The following SEPTIN1 variants were observed in gnomAD, a reference collection of about 807,000 sequenced individuals.
SEPTIN1 encodes the protein septin-1.
In SEPTIN1, 52 loss-of-function variants were observed where a neutral mutation model predicts 50.7. The ratio of observed to expected loss-of-function variants is 1.03; its 90% CI spans 0.82 to 1.29. SEPTIN1 has a LOEUF of 1.29. SEPTIN1 is among the 50% of genes most tolerant of loss of function. The pLI is 0.00. For synonymous variants in SEPTIN1, 204 were observed against 189.1 expected (o/e 1.08, Z -0.65); for missense variants, 455 against 490.7 (o/e 0.93, Z 0.69).
chr16:30,379,698 G>T, intron 7 of SEPTIN1, 164 bp from the exon 8 acceptor site: 1 of 565,276 alleles, frequency 1.8e-6, no homozygotes, highest in Non-Finnish European at 3.0e-6. Flanking sequence ...GCCCAGGCTG[G>T]AGTGTTCAAG....
In SEPTIN1 at chr16:30,382,354, G is replaced by A. The variant is rs200653380; in HGVS notation, c.30C>T (p.Tyr10=). The change falls in exon 2 of 11, where the codon TAC becomes TAT. Residue 10 remains tyrosine (Y), a synonymous_variant. Coordinates refer to ENST00000321367, the MANE Select transcript of SEPTIN1 (RefSeq NM_001365977.2). This position sits in a 1 kb window ranked among gnomAD's most constrained non-coding sequence, Gnocchi z 4.8. MAGGVMDKE[Y]VGFAALPNQL... ...GGTTGGGGAGGGCAGCAAAACCCAC[G>A]TACTCCTTGTCCTATGGATGGGGGT... 2.7e-5 allele frequency: 44 copies of A among 1,612,252 alleles called. 1 individual carries two copies. In the Admixed American group the frequency reaches 3.3e-4, roughly 12 times the overall value.
rs2049852061 is a variant in SEPTIN1, at chr16:30,381,762, G to A, written c.318C>T (p.Asp106=). The A allele has an allele frequency of 6.2e-7, 1 of 1,614,042 alleles. No homozygotes were observed. Among genetic ancestry groups the A allele is most frequent in the Admixed American group, 1.7e-5 (1 of 60,004 alleles). The part of the protein sequence containing the change: ...PGFGDSVDCS[D]CWLPVVKFIE... ...CTGTCCCCTTTCCTCTTCCTCACCA[G>A]TCAGAGCAGTCCACTGAGTCCCCAA... The change falls in exon 4 of 11, where the codon GAC becomes GAT. Residue 106 remains aspartate (D), a splice_region_variant and synonymous_variant. Transcript: ENST00000321367. The surrounding 1 kb of genome is among the most constrained non-coding windows in gnomAD (Gnocchi z 4.3).
At position 30,381,006 on chromosome 16, in the gene SEPTIN1, TCTC is replaced by T. The variant is rs1288920489; in HGVS notation, c.573+118_573+120del. ...TTACCACCCGCCTTCCTCAGAAGCT[TCTC>T]CTACAATCTAGCCTGATGCACCATG... On this transcript the variant is annotated intron_variant, in intron 6 of 10. Transcript: ENST00000321367. The surrounding 1 kb of genome is among the most constrained non-coding windows in gnomAD (Gnocchi z 4.3). 15 of 834,358 alleles carry T rather than the reference TCTC, an allele frequency of 1.8e-5. No individual in the cohort carries two copies. Among genetic ancestry groups the T allele is most frequent in the African/African-American group, 3.4e-5 (2 of 59,380 alleles). 51.7% of individuals were successfully genotyped at this position (834,358 alleles called of 1,614,324 possible).
chr16:30,379,490 C>G lies in SEPTIN1; in HGVS notation c.720G>C (p.Arg240Ser). Residue 240 changes from arginine to serine, a missense_variant, in exon 8 of 11, where the codon AGG becomes AGC. Physicochemically the swap from Arg to Ser is moderately radical, Grantham distance 110. Coordinates refer to ENST00000321367, the MANE Select transcript of SEPTIN1 (RefSeq NM_001365977.2). The stretch of plus-strand genomic sequence containing the variant: ...CCCTCACCGGCCGGTTCCCGCCATC[C>G]CTCACCACCTCGCATGATCCCACGA... ...FAVVGSCEVVRDGGNRPVRGR... is the reference protein window; with the variant it reads ...FAVVGSCEVVSDGGNRPVRGR... The G allele has an allele frequency of 3.7e-6, 6 of 1,613,960 alleles. No homozygotes were observed. The highest frequency in any genetic ancestry group is 4.2e-6 in the Non-Finnish European group (5 of 1,179,990).
At position 30,380,000 on chromosome 16, in the gene SEPTIN1, T is replaced by G. The variant is rs1168415605; in HGVS notation, c.607A>C (p.Ile203Leu). The G allele has an allele frequency of 3.1e-6, 5 of 1,612,770 alleles. No homozygotes were observed. Among genetic ancestry groups the G allele is most frequent in the Non-Finnish European group, 4.2e-6 (5 of 1,179,260 alleles). The change falls in exon 7 of 11, where the codon ATC becomes CTC. Residue 203 changes from isoleucine to leucine, a missense_variant. Transcript: ENST00000321367. ...RDQLKEEEIH[I>L]YQFPECDSDE... Reference sequence around the variant, plus strand: ...GAGTCACATTCGGGGAACTGGTAGATGTGGATCTCCTCTTCCTTCAACTGA... The same window carrying G: ...GAGTCACATTCGGGGAACTGGTAGAGGTGGATCTCCTCTTCCTTCAACTGA...
At chr16:30,378,981 C>G (rs750809028) in intron 9 of SEPTIN1, 37 bp downstream of exon 9, 1 of 1,594,008 alleles carries the variant, frequency 6.3e-7, no homozygotes, top group East Asian at 2.2e-5. Context: ...TGAGGCGGGA[C>G]CTTGGAGGCT....
Position 30,381,327 on chromosome 16 carries a change from C to A in SEPTIN1, c.455+12G>T. 1.2e-6 allele frequency: 2 copies of A among 1,612,654 alleles called. No homozygotes were observed. The highest frequency in any genetic ancestry group is 1.7e-4 in the Middle Eastern group (1 of 6,054). On this transcript the variant is annotated intron_variant, in intron 5 of 10. Transcript: ENST00000321367. The surrounding 1 kb of genome is among the most constrained non-coding windows in gnomAD (Gnocchi z 4.3). Reference sequence around the variant, plus strand: ...CCTAAATGCGCCAGCCCCCAGGATCCCCCCACCAGACCCCCGGCCGAAGGG... The same window carrying A: ...CCTAAATGCGCCAGCCCCCAGGATCACCCCACCAGACCCCCGGCCGAAGGG...
rs1349502724 is a variant in SEPTIN1, at chr16:30,382,240, TCCC to T, written c.109+32_109+34del. The stretch of plus-strand genomic sequence containing the variant: ...GGACAGCCAGGGCCTCCTAAGGACA[TCCC>T]CTCCGCAGTTCCCTCTCCAAAACCC... On this transcript the variant is annotated intron_variant, in intron 2 of 10. Transcript: ENST00000321367. This position sits in a 1 kb window ranked among gnomAD's most constrained non-coding sequence, Gnocchi z 4.8. 1 of 1,612,676 alleles carries T rather than the reference TCCC, an allele frequency of 6.2e-7. No homozygotes were observed. Among genetic ancestry groups the T allele is most frequent in the African/African-American group, 1.3e-5 (1 of 74,832 alleles).
chr16:30,380,132 G>T, intron 6 of SEPTIN1, 99 bp from the exon 7 acceptor site: 1 of 953,900 alleles, frequency 1.0e-6, no homozygotes, highest in Non-Finnish European at 1.5e-6. Context: ...GGTGGTCAGA[G>T]ACAGAGAGAA....
intron 9 of SEPTIN1, 22 bp from the exon 10 acceptor site, chr16:30,378,722 ACAGGAAT>A (rs1287609072): frequency 3.8e-6 from 6 of 1,599,838 alleles, no homozygotes; most frequent in Non-Finnish European, 5.1e-6. Flanking sequence ...TGGGAAGGGG[ACAGGAAT>A]CAGGAGCGGG....
In SEPTIN1 at chr16:30,378,286, C is replaced by T. The variant is rs367624455; in HGVS notation, c.*148G>A. The T allele has an allele frequency of 1.3e-3, 1,011 of 784,780 alleles. 16 individuals carry two copies. The East Asian group carries it at 0.021, about 17-fold the overall frequency. 48.6% of individuals were successfully genotyped at this position (784,780 alleles called of 1,614,324 possible). ...CGGGACCAGCGCCGGGGCGGGGCTA[C>T]GGACTCAGGCTGGGAGAACCTCCCC... On this transcript the variant is annotated 3_prime_UTR_variant, in exon 11 of 11. Transcript: ENST00000321367.
At position 30,378,235 on chromosome 16, in the gene SEPTIN1, C is replaced by G. The variant is rs908534131; in HGVS notation, c.*199G>C. 9.2e-6 allele frequency: 6 copies of G among 651,874 alleles called. No individual in the cohort carries two copies. Among genetic ancestry groups the G allele is most frequent in the African/African-American group, 1.9e-5 (1 of 53,930 alleles). 40.4% of individuals were successfully genotyped at this position (651,874 alleles called of 1,614,324 possible). A position where few individuals can be genotyped will look rare whatever the true frequency, so the allele number is the denominator to read the frequency against. ...GTCGGAGATTGTGCAGGCCCCGGGC[C>G]GGGAAGTGGGCGGTGTCTGGGTGGG... On this transcript the variant is annotated 3_prime_UTR_variant, in exon 11 of 11. Coordinates refer to ENST00000321367, the MANE Select transcript of SEPTIN1 (RefSeq NM_001365977.2).
At position 30,381,095 on chromosome 16, in the gene SEPTIN1, T is replaced by G; in HGVS notation, c.573+32A>C. ...AGCTGAAATCAGGTTTGGCTTCACA[T>G]GGGGTCAAAGGTCAGAGGTCATCAC... On this transcript the variant is annotated intron_variant, in intron 6 of 10. Coordinates refer to ENST00000321367, the MANE Select transcript of SEPTIN1 (RefSeq NM_001365977.2). The surrounding 1 kb of genome is among the most constrained non-coding windows in gnomAD (Gnocchi z 4.3). 2 of 1,543,292 alleles carry G rather than the reference T, an allele frequency of 1.3e-6. No homozygotes were observed. Among genetic ancestry groups the G allele is most frequent in the Non-Finnish European group, 1.8e-6 (2 of 1,115,316 alleles).
chr16:30,382,453 A>G lies in SEPTIN1; in HGVS notation c.18+72T>C. ...TTGAGTTCCTGGGCTAGGAAGAGTC[A>G]GTGGGGTCTGGGGACCCCAGGCATG... On this transcript the variant is annotated intron_variant, in intron 1 of 10. Transcript: ENST00000321367. The surrounding 1 kb of genome is among the most constrained non-coding windows in gnomAD (Gnocchi z 4.8). 1 of 1,563,078 alleles carries G rather than the reference A, an allele frequency of 6.4e-7. No individual in the cohort carries two copies. The highest frequency in any genetic ancestry group is 1.1e-5 in the South Asian group (1 of 88,402).
At chr16:30,378,574 G>C (rs1203669945) in intron 10 of SEPTIN1, 36 bp downstream of exon 10, 1 of 1,609,140 alleles carries the variant, frequency 6.2e-7, no homozygotes, top group Non-Finnish European at 8.5e-7. Flanking sequence ...GGGGGACCTG[G>C]GGCATCGGTC....
In SEPTIN1 at chr16:30,381,752, T is replaced by C. The variant is rs1444694337; in HGVS notation, c.320+8A>G. On this transcript the variant is annotated splice_region_variant and intron_variant, in intron 4 of 10. Transcript: ENST00000321367. The surrounding 1 kb of genome is among the most constrained non-coding windows in gnomAD (Gnocchi z 4.3). ...GGCTGAGCCTCTGTCCCCTTTCCTC[T>C]TCCTCACCAGTCAGAGCAGTCCACT... 6.2e-7 allele frequency: 1 copy of C among 1,613,722 alleles called. No homozygotes were observed. Among genetic ancestry groups the C allele is most frequent in the Admixed American group, 1.7e-5 (1 of 59,928 alleles).
Position 30,378,335 on chromosome 16 carries a change from C to T in SEPTIN1, c.*99G>A. On this transcript the variant is annotated 3_prime_UTR_variant, in exon 11 of 11. Coordinates refer to ENST00000321367, the MANE Select transcript of SEPTIN1 (RefSeq NM_001365977.2). ...CCCTAGCCCGCGCGAGGGCGGCACC[C>T]GCGGAGGTCCCGGGGGGCGCTGGGC... The T allele has an allele frequency of 8.4e-7, 1 of 1,194,842 alleles. No individual in the cohort carries two copies. The allele number at this position is 1,194,842 out of a possible 1,614,324, so 74.0% of individuals were successfully genotyped here. A position where few individuals can be genotyped will look rare whatever the true frequency, so the allele number is the denominator to read the frequency against.
Position 30,381,628 on chromosome 16 carries a change from A to C in SEPTIN1, c.320+132T>G. The C allele has an allele frequency of 6.7e-7, 1 of 1,487,442 alleles. No individual in the cohort carries two copies. Among genetic ancestry groups the C allele is most frequent in the Non-Finnish European group, 9.1e-7 (1 of 1,093,596 alleles). 92.1% of individuals were successfully genotyped at this position (1,487,442 alleles called of 1,614,324 possible). The stretch of plus-strand genomic sequence containing the variant: ...GGGCCTAGGTGAGTCATCAAGAAGC[A>C]CAGGGACCCAGTGGCCCTCTGAAAC... On this transcript the variant is annotated intron_variant, in intron 4 of 10. Transcript: ENST00000321367. This position sits in a 1 kb window ranked among gnomAD's most constrained non-coding sequence, Gnocchi z 4.3.
At chr16:30,382,610 G>C (rs1264093725), upstream of SEPTIN1, 1 of 1,552,210 alleles carries the variant, frequency 6.4e-7, no homozygotes, top group African/African-American at 1.4e-5. The surrounding 1 kb of genome is among the most constrained non-coding windows in gnomAD (Gnocchi z 4.8). Context: ...TAACAAGGGG[G>C]CGGGCAGAAG....
Sources: allele counts gnomAD v4.1 joint callset, GRCh38; gene constraint gnomAD v4.1.1; non-coding constraint Gnocchi (gnomAD v3.1); transcripts MANE v1.5; gene names NCBI Gene and HGNC (gene_info 2026-07-23, HGNC 2026-07-21).